WDR7: variants seen among roughly 807,000 people sequenced by gnomAD.
WDR7 encodes WD repeat domain 7, also known as WD repeat-containing protein 7.
WDR7 carries 46 observed loss-of-function variants against 169.4 expected under a neutral mutation model. The observed-to-expected ratio is 0.27, with a 90% CI of 0.21 to 0.35. The LOEUF is 0.35. Among genes scored for constraint, WDR7 ranks in the 10% least tolerant of loss-of-function variants. WDR7 has a pLI of 1.00. For synonymous variants in WDR7, 612 were observed against 666.8 expected (o/e 0.92, Z 1.27); for missense variants, 1,534 against 1,859.3 (o/e 0.83, Z 3.22).
intron 20 of WDR7, among the ~76,000 whole-genome samples, chr18:56,864,712 T>A (rs1295451755): frequency 2.0e-5 from 3 of 151,888 alleles, no homozygotes; most frequent in Non-Finnish European, 4.4e-5. Context: ...ATAGTAGATA[T>A]TCAGCAATTG....
At chr18:56,979,809 G>A (rs2047616250) in intron 26 of WDR7, among the ~76,000 whole-genome samples, 1 of 152,178 alleles carries the variant, frequency 6.6e-6, no homozygotes, top group Non-Finnish European at 1.5e-5. Context: ...ATAATTAGAA[G>A]AACACTTTTA....
At chr18:56,897,609 T>C (rs2046347523) in intron 21 of WDR7, among the ~76,000 whole-genome samples, 1 of 152,000 alleles carries the variant, frequency 6.6e-6, no homozygotes, top group Admixed American at 6.6e-5. Context: ...ATAAATATTG[T>C]AAGACATTGA....
chr18:56,701,723 T>C (rs1370584034), intron 12 of WDR7, among the ~76,000 whole-genome samples: 1 of 152,198 alleles, frequency 6.6e-6, no homozygotes, highest in African/African-American at 2.4e-5. Context: ...CTGTTTACTA[T>C]GGTACCTTAA....
intron 14 of WDR7, among the ~76,000 whole-genome samples, chr18:56,749,009 T>C (rs1456024831): frequency 1.3e-5 from 2 of 152,020 alleles, no homozygotes; most frequent in African/African-American, 2.4e-5. Context: ...AACATTAATA[T>C]TGTGCATATT....
chr18:56,701,971 G>A (rs1301385958), intron 12 of WDR7, among the ~76,000 whole-genome samples: 2 of 152,288 alleles, frequency 1.3e-5, no homozygotes, highest in East Asian at 1.9e-4. Flanking sequence ...ACACAACACA[G>A]CGTGGTTAGA....
intron 19 of WDR7, among the ~76,000 whole-genome samples, chr18:56,798,076 G>A (rs2044614141): frequency 6.6e-6 from 1 of 152,110 alleles, no homozygotes; most frequent in Non-Finnish European, 1.5e-5. Flanking sequence ...TATATTGATG[G>A]ACCAAAGATG....
At chr18:56,995,268 G>A (rs2047882716) in intron 26 of WDR7, among the ~76,000 whole-genome samples, 1 of 152,170 alleles carries the variant, frequency 6.6e-6, no homozygotes, top group South Asian at 2.1e-4. Context: ...TGAATTCATA[G>A]GATGGGTTCC....
At chr18:56,900,727 T>G (rs7238428) in intron 21 of WDR7, among the ~76,000 whole-genome samples, 143,673 of 152,170 alleles carry the variant, frequency 0.94, 67,949 homozygotes, top group East Asian at 1. Context: ...AGGCAGCTTG[T>G]TGCTAATCTG....
intron 17 of WDR7, among the ~76,000 whole-genome samples, chr18:56,778,390 C>CT (rs1187230083): frequency 6.6e-6 from 1 of 151,866 alleles, no homozygotes; most frequent in Non-Finnish European, 1.5e-5. Flanking sequence ...TGATAGCAGA[C>CT]TTTTTTTTGC....
chr18:56,738,649 T>TAA (rs1394239952), intron 14 of WDR7, among the ~76,000 whole-genome samples: 1 of 152,208 alleles, frequency 6.6e-6, no homozygotes, highest in Non-Finnish European at 1.5e-5. Flanking sequence ...TCATAATAGT[T>TAA]ACACTCATAA....
intron 20 of WDR7, among the ~76,000 whole-genome samples, chr18:56,823,626 C>G (rs1204054495): frequency 6.6e-6 from 1 of 152,036 alleles, no homozygotes; most frequent in Non-Finnish European, 1.5e-5. Context: ...ATGTTTCTTC[C>G]TAAACCTCAC....
chr18:56,918,968 A>G (rs985629942), intron 21 of WDR7, among the ~76,000 whole-genome samples: 1 of 152,366 alleles, frequency 6.6e-6, no homozygotes, highest in East Asian at 1.9e-4. Context: ...ATTAATAAAT[A>G]AATAAAAATA....
chr18:56,850,898 C>G (rs1253987114), intron 20 of WDR7, among the ~76,000 whole-genome samples: 2 of 152,100 alleles, frequency 1.3e-5, no homozygotes, highest in Non-Finnish European at 2.9e-5. Context: ...CTGTTTATTC[C>G]AGCCAGAATC....
chr18:56,719,695 ACT>A (rs1213089679), intron 13 of WDR7, among the ~76,000 whole-genome samples: 5 of 152,070 alleles, frequency 3.3e-5, no homozygotes, highest in African/African-American at 1.2e-4. Context: ...CACTTCATAA[ACT>A]GAATATATGG....
At chr18:56,715,434 C>T (rs17090334) in intron 12 of WDR7, among the ~76,000 whole-genome samples, 281 of 152,170 alleles carry the variant, frequency 1.8e-3, no homozygotes, top group African/African-American at 6.5e-3. Context: ...TGACTTTCGA[C>T]GTGGGGACTA....
At chr18:56,871,435 TAA>T (rs1294798709) in intron 20 of WDR7, among the ~76,000 whole-genome samples, 1 of 152,190 alleles carries the variant, frequency 6.6e-6, no homozygotes, top group Non-Finnish European at 1.5e-5. Flanking sequence ...GTCATTTATG[TAA>T]AGTCTTACAA....
At chr18:56,930,437 T>C (rs2046867549) in intron 22 of WDR7, among the ~76,000 whole-genome samples, 1 of 152,066 alleles carries the variant, frequency 6.6e-6, no homozygotes, top group South Asian at 2.1e-4. Context: ...AGAAAATTTA[T>C]AATCTGAGGA....
intron 12 of WDR7, among the ~76,000 whole-genome samples, chr18:56,707,946 C>T (rs987318893): frequency 1.1e-4 from 16 of 151,720 alleles, no homozygotes; most frequent in African/African-American, 3.9e-4. Context: ...AGGACAGTAT[C>T]TGTCAACCCG....
intron 14 of WDR7, 33 bp from the exon 15 acceptor site, chr18:56,756,550 A>G: frequency 6.7e-7 from 1 of 1,487,068 alleles, no homozygotes; most frequent in Non-Finnish European, 9.0e-7. Context: ...AGCACTTTTA[A>G]TTATAACTAT....
Sources: allele counts gnomAD v4.1 joint callset (sites outside exome capture counted in the v4.1 genomes callset), GRCh38; gene constraint gnomAD v4.1.1; transcripts MANE v1.5; gene names NCBI Gene and HGNC (gene_info 2026-07-23, HGNC 2026-07-21).